Variants in FER1L6 observed in about 807,000 individuals in gnomAD.
The protein encoded by FER1L6 is fer-1 like family member 6.
In FER1L6, 177 loss-of-function variants were observed where a neutral mutation model predicts 219.2. The observed-to-expected ratio is 0.81, with a 90% confidence interval of 0.71 to 0.91. The LOEUF (loss-of-function observed/expected upper bound fraction) is 0.91. Among genes scored for constraint, FER1L6 ranks in the 40% least tolerant of loss-of-function variants. FER1L6 has a pLI of 0.00. For synonymous variants in FER1L6, 768 were observed against 824.3 expected, an observed-to-expected ratio of 0.93 and a Z score of 1.17; for missense variants, 2,153 against 2,259.9, an observed-to-expected ratio of 0.95 and a Z score of 0.96.
intron 39 of FER1L6, among the ~76,000 whole-genome samples, chr8:124,108,999 C>T (rs765781393): frequency 3.9e-5 from 6 of 152,268 alleles, no homozygotes; most frequent in Middle Eastern, 3.4e-3. Context: ...GATGAATTTT[C>T]ACAGGAGATT....
intron 12 of FER1L6, among the ~76,000 whole-genome samples, chr8:123,988,929 T>C (rs1046129469): frequency 6.6e-6 from 1 of 152,228 alleles, no homozygotes; most frequent in Admixed American, 6.5e-5. Flanking sequence ...GCTTTCAGTT[T>C]TTTTTCCATT....
chr8:123,951,205 C>T (rs1043610050), intron 1 of FER1L6, among the ~76,000 whole-genome samples: 24 of 152,204 alleles, frequency 1.6e-4, no homozygotes, highest in South Asian at 1.3e-3. Flanking sequence ...GCTCAAAAAC[C>T]ACCGAGCCTT....
intron 13 of FER1L6, chr8:124,004,264 T>A (rs1463891704): frequency 6.6e-6 from 1 of 152,168 alleles, no homozygotes; most frequent in African/African-American, 2.4e-5. Context: ...CAGAATTTTT[T>A]AAAAGAAAGT....
intron 1 of FER1L6, among the ~76,000 whole-genome samples, chr8:123,865,754 C>T (rs1191632645): frequency 2.5e-4 from 37 of 145,546 alleles, no homozygotes; most frequent in African/African-American, 5.2e-4. Context: ...CCAGGTGCGT[C>T]CGTCACCCCT....
chr8:123,879,615 G>T (rs544293632), intron 1 of FER1L6, among the ~76,000 whole-genome samples: 17 of 152,178 alleles, frequency 1.1e-4, no homozygotes, highest in African/African-American at 3.9e-4. Flanking sequence ...ATGAACCACC[G>T]TGCCTGGCCG....
At chr8:123,937,694 A>C (rs760295490) in intron 1 of FER1L6, among the ~76,000 whole-genome samples, 13 of 152,220 alleles carry the variant, frequency 8.5e-5, no homozygotes, top group Admixed American at 3.9e-4. Context: ...GGCCGAATAT[A>C]GATAATTGGT....
At chr8:123,883,978 G>C (rs552312127) in intron 1 of FER1L6, among the ~76,000 whole-genome samples, 1 of 152,310 alleles carries the variant, frequency 6.6e-6, no homozygotes, top group Admixed American at 6.5e-5. Context: ...CACATTCAGA[G>C]CATGACATAC....
intron 1 of FER1L6, among the ~76,000 whole-genome samples, chr8:123,904,676 C>T (rs538962697): frequency 6.6e-6 from 1 of 152,316 alleles, no homozygotes; most frequent in African/African-American, 2.4e-5. Context: ...TTAGGGTTGA[C>T]TTGAAGGGGT....
chr8:124,037,273 C>A (rs1394618485), intron 19 of FER1L6, among the ~76,000 whole-genome samples: 2 of 152,182 alleles, frequency 1.3e-5, no homozygotes, highest in African/African-American at 4.8e-5. Context: ...CCGGATGAAC[C>A]ATTTCCAAGT....
chr8:124,013,311 C>A, intron 14 of FER1L6, 120 bp from the exon 15 acceptor site: 1 of 535,150 alleles, frequency 1.9e-6, no homozygotes, highest in African/African-American at 2.0e-5. Context: ...TAGATAAATC[C>A]TCCTTCATTG....
chr8:123,908,444 A>C (rs542842526), intron 1 of FER1L6, among the ~76,000 whole-genome samples: 1 of 152,236 alleles, frequency 6.6e-6, no homozygotes, highest in Non-Finnish European at 1.5e-5. Context: ...AAGTCAATAG[A>C]ACTTTAGAAA....
chr8:124,067,917 G>A (rs1001604481), intron 28 of FER1L6, 111 bp downstream of exon 28: 11 of 818,036 alleles, frequency 1.3e-5, no homozygotes, highest in South Asian at 3.1e-5. Context: ...CTCCTTTCCC[G>A]AGTTTAGAAA....
At chr8:124,038,632 A>G (rs1819324604) in intron 19 of FER1L6, among the ~76,000 whole-genome samples, 2 of 152,158 alleles carry the variant, frequency 1.3e-5, no homozygotes, top group East Asian at 1.9e-4. Flanking sequence ...GTTCTCTTCA[A>G]TAACCCTATG....
rs1297773621 is a variant in FER1L6 at position 123,997,911 on chromosome 8, C to A, written c.1520-5256C>A. ...TGTCTGGTAGTATTCTGAATTGCTT[C>A]TCTGTGTTATCCTGAATTTTATTAA... On this transcript the variant is annotated intron_variant, in intron 12 of 40. Transcript: ENST00000522917. Among the ~76,000 whole-genome samples, 3 of 152,090 alleles carry A rather than the reference C, an allele frequency of 2.0e-5. No individual in the cohort carries two copies. In the East Asian group the frequency reaches 5.8e-4, roughly 29 times the overall value.
chr8:124,021,661 G>A lies in FER1L6; in HGVS notation c.2125G>A (p.Val709Ile), dbSNP rs190330236. The A allele has an allele frequency of 6.2e-7, 1 of 1,614,120 alleles. No homozygotes were observed. The highest frequency in any genetic ancestry group is 8.5e-7 in the Non-Finnish European group (1 of 1,179,960). The change falls in exon 17 of 41, where the codon GTT becomes ATT. Residue 709 changes from valine (V) to isoleucine (I), a missense_variant. Physicochemically the swap from Val to Ile is conservative, Grantham distance 29 (BLOSUM62 3). Transcript: ENST00000522917. ...CTTTGTGGAAAAAATCCGCTTTCTT[G>A]TTGATGAGGTAACTGACTCTAAAGG... ...QNFVEKIRFL[V>I]DEPQHTIPDV...
intron 39 of FER1L6, among the ~76,000 whole-genome samples, chr8:124,113,919 G>A (rs906443568): frequency 7.2e-5 from 11 of 152,088 alleles, no homozygotes; most frequent in African/African-American, 2.4e-4. Context: ...TGACTATGTT[G>A]GTAAATACAA....
At chr8:124,113,192 T>C (rs10106517) in intron 39 of FER1L6, among the ~76,000 whole-genome samples, 3,025 of 152,292 alleles carry the variant, frequency 0.02, 104 homozygotes, top group African/African-American at 0.069. Context: ...CATTTATTCA[T>C]TTAAAAAATT....
In FER1L6 at chr8:123,969,952, C is replaced by A. The variant is rs1488193555; in HGVS notation, c.385-83C>A. On this transcript the variant is annotated intron_variant, in intron 5 of 40. Coordinates refer to ENST00000522917, the MANE Select transcript of FER1L6 (RefSeq NM_001039112.2). ...TTCATGCAGCAGTTGGTTTGAATGA[C>A]AAAGATCTAAATCCACTCCAAGGAC... The A allele has an allele frequency of 4.7e-6, 5 of 1,062,248 alleles. No individual in the cohort carries two copies. The African/African-American group carries it at 4.7e-5, about 10-fold the overall frequency. 65.8% of individuals were successfully genotyped at this position (1,062,248 alleles called of 1,614,324 possible).
chr8:124,071,769 G>A, intron 31 of FER1L6, 138 bp downstream of exon 31: 2 of 1,131,806 alleles, frequency 1.8e-6, no homozygotes, highest in South Asian at 1.7e-5. Flanking sequence ...CTATAATCAA[G>A]TTGCTACCAG....
Sources: gnomAD v4.1 joint callset for allele counts (sites outside exome capture counted in the v4.1 genomes callset) on GRCh38, gnomAD v4.1.1 for gene constraint, MANE v1.5 for transcripts, NCBI Gene and HGNC (gene_info 2026-07-23, HGNC 2026-07-21) for gene names.